NOMO3: variants seen among roughly 807,000 people sequenced by gnomAD.
NOMO3 encodes the protein BOS complex subunit NOMO3.
Under a neutral mutation model 69.9 loss-of-function variants are expected in NOMO3, and 15 were observed. The observed-to-expected ratio is 0.21, with a 90% CI of 0.14 to 0.33. The LOEUF is 0.33. NOMO3 is among the 10% of genes least tolerant of loss of function. The pLI is 1.00. For missense variants in NOMO3, 218 were observed against 761.0 expected, an observed-to-expected ratio of 0.29 and a Z score of 8.39; for synonymous variants, 89 against 301.9, an observed-to-expected ratio of 0.29 and a Z score of 7.31.
In NOMO3 at chr16:16,268,923, C is replaced by T. The variant is rs979527592; in HGVS notation, c.1895-1198C>T. Among the ~76,000 whole-genome samples, 26 of 142,148 alleles carry T rather than the reference C, an allele frequency of 1.8e-4. 3 individuals carry two copies. The highest frequency in any genetic ancestry group is 1.4e-4 in the Admixed American group (2 of 14,698). 93.3% of individuals were successfully genotyped at this position (142,148 alleles called of 152,430 possible). A position where few individuals can be genotyped will look rare whatever the true frequency, so the allele number is the denominator to read the frequency against. ...ACTTGTCTGTATTATTGGCCAGAACCGTGCCACATGGTTACTTCTAGCTGC... is the reference window on the plus strand; with the variant it reads ...ACTTGTCTGTATTATTGGCCAGAACTGTGCCACATGGTTACTTCTAGCTGC... On this transcript the variant is annotated intron_variant, in intron 16 of 30. Coordinates refer to ENST00000399336, the MANE Select transcript of NOMO3 (RefSeq NM_001004067.4).
chr16:16,251,627 A>T (rs1184544012), intron 7 of NOMO3: 2 of 399,868 alleles, frequency 5.0e-6, no homozygotes, highest in African/African-American at 5.1e-5. Flanking sequence ...GGTTTAAACA[A>T]ATCTCAGATT....
At chr16:16,258,019 A>C (rs1378747251) in intron 11 of NOMO3, among the ~76,000 whole-genome samples, 4 of 140,926 alleles carry the variant, frequency 2.8e-5, no homozygotes, top group Non-Finnish European at 6.0e-5. Flanking sequence ...ACTGAAGACA[A>C]ATACATCTGT....
intron 1 of NOMO3, among the ~76,000 whole-genome samples, chr16:16,236,459 G>A (rs1265495501): frequency 7.0e-6 from 1 of 143,104 alleles, no homozygotes; most frequent in Non-Finnish European, 1.5e-5. Context: ...TGTTGGCCAG[G>A]CTGGTCTCAA....
chr16:16,237,014 T>A (rs1466514128), intron 2 of NOMO3, 24 bp downstream of exon 2: 1 of 1,585,666 alleles, frequency 6.3e-7, no homozygotes, highest in African/African-American at 1.5e-5. Context: ...GCTTGTCACT[T>A]ATGATGGGAA....
At chr16:16,259,456 C>T (rs1326658565) in intron 11 of NOMO3, among the ~76,000 whole-genome samples, 1 of 138,244 alleles carries the variant, frequency 7.2e-6, no homozygotes, top group Non-Finnish European at 1.5e-5. Context: ...TCAAGTGATT[C>T]TCCTGCCCCA....
chr16:16,274,173 C>T (rs1487793364), intron 20 of NOMO3, 98 bp downstream of exon 20: 1 of 768,196 alleles, frequency 1.3e-6, no homozygotes, highest in Non-Finnish European at 2.1e-6. Context: ...GTGAAGCCAT[C>T]TTTGTAAGCC....
At chr16:16,248,395 CTT>C (rs1243080622) in intron 6 of NOMO3, among the ~76,000 whole-genome samples, 2 of 65,318 alleles carry the variant, frequency 3.1e-5, no homozygotes, top group Non-Finnish European at 5.9e-5. Context: ...CAGATACAGT[CTT>C]TTTTTTTTTT....
chr16:16,236,609 C>T (rs965119265), intron 1 of NOMO3, among the ~76,000 whole-genome samples: 4 of 144,248 alleles, frequency 2.8e-5, no homozygotes, highest in Non-Finnish European at 4.4e-5. Context: ...GTTTTAGACC[C>T]GGAAACTTAC....
chr16:16,232,596 A>C lies in NOMO3; in HGVS notation c.-71A>C, dbSNP rs1389054129. Reference sequence around the variant, plus strand: ...GTCAGCCGGCCTAGGAGGAGGAAGGAGCCTGCGGCGTGCAGTGTGAGGGGC... The same window carrying C: ...GTCAGCCGGCCTAGGAGGAGGAAGGCGCCTGCGGCGTGCAGTGTGAGGGGC... On this transcript the variant is annotated 5_prime_UTR_variant, in exon 1 of 31. Coordinates refer to ENST00000399336, the MANE Select transcript of NOMO3 (RefSeq NM_001004067.4). 6.5e-6 allele frequency: 3 copies of C among 459,124 alleles called. No individual in the cohort carries two copies. Among genetic ancestry groups the C allele is most frequent in the Non-Finnish European group, 1.1e-5 (3 of 280,466 alleles). The allele number at this position is 459,124 out of a possible 1,614,324, so 28.4% of individuals were successfully genotyped here. A position where few individuals can be genotyped will look rare whatever the true frequency, so the allele number is the denominator to read the frequency against.
Position 16,245,129 on chromosome 16 carries a change from G to C in NOMO3, c.464G>C (p.Gly155Ala). The C allele has an allele frequency of 7.7e-7, 1 of 1,300,838 alleles. No individual in the cohort carries two copies. Among genetic ancestry groups the C allele is most frequent in the Non-Finnish European group, 1.0e-6 (1 of 970,098 alleles). 80.6% of individuals were successfully genotyped at this position (1,300,838 alleles called of 1,614,324 possible). A position where few individuals can be genotyped will look rare whatever the true frequency, so the allele number is the denominator to read the frequency against. The change falls in exon 5 of 31, where the codon GGG (glycine) becomes GCG (alanine). Residue 155 changes from glycine (G) to alanine (A), a missense_variant. Transcript: ENST00000399336. ...GTTCAGGTGTCTCTGAGAAACACTG[G>C]GACCGAAGCAAAGATCCAGTCCACA... Reference protein sequence around the residue: ...AGVQVSLRNTGTEAKIQSTVT... With the variant: ...AGVQVSLRNTATEAKIQSTVT...
rs1362737653 is a variant in NOMO3, at chr16:16,245,316, G to A, written c.509+142G>A. ...CTTAAGTTTGGGTGAGTTCATGCCC[G>A]TCAGAGTGCTGAGTTCCCCACATGT... On this transcript the variant is annotated intron_variant, in intron 5 of 30. Coordinates refer to ENST00000399336, the MANE Select transcript of NOMO3 (RefSeq NM_001004067.4). The A allele has an allele frequency of 1.9e-5, 26 of 1,369,204 alleles. 4 individuals carry two copies. Among genetic ancestry groups the A allele is most frequent in the African/African-American group, 5.2e-5 (3 of 58,142 alleles). 84.8% of individuals were successfully genotyped at this position (1,369,204 alleles called of 1,614,324 possible). A position where few individuals can be genotyped will look rare whatever the true frequency, so the allele number is the denominator to read the frequency against.
chr16:16,273,053 C>CT (rs1278020698), intron 18 of NOMO3, among the ~76,000 whole-genome samples: 16 of 122,242 alleles, frequency 1.3e-4, no homozygotes, highest in African/African-American at 5.0e-4. Flanking sequence ...CACTTGGCAT[C>CT]GCTTTGCCCA....
At chr16:16,269,429 ATTTT>A (rs750179595) in intron 16 of NOMO3, among the ~76,000 whole-genome samples, 1 of 111,510 alleles carries the variant, frequency 9.0e-6, no homozygotes, top group Non-Finnish European at 1.8e-5. Context: ...GAGAAACCTG[ATTTT>A]TTTTTTTTTT....
chr16:16,264,903 A>G, intron 14 of NOMO3, 140 bp from the exon 15 acceptor site: 1 of 569,724 alleles, frequency 1.8e-6, no homozygotes, highest in Non-Finnish European at 3.0e-6. Flanking sequence ...AAATATATGT[A>G]TGTGTATATT....
At chr16:16,249,677 C>A (rs1278644757) in intron 6 of NOMO3, among the ~76,000 whole-genome samples, 3 of 143,444 alleles carry the variant, frequency 2.1e-5, no homozygotes, top group African/African-American at 5.7e-5. Flanking sequence ...TAATTGTCTG[C>A]ATAGAAGAAT....
chr16:16,263,007 C>T (rs1218017940), intron 12 of NOMO3, 67 bp from the exon 13 acceptor site: 26 of 1,572,800 alleles, frequency 1.7e-5, no homozygotes, highest in South Asian at 3.5e-5. Flanking sequence ...AATGTTCTAG[C>T]GCCCTGTAGG....
At chr16:16,274,199 T>C (rs2049678403) in intron 20 of NOMO3, 124 bp downstream of exon 20, 9 of 879,884 alleles carry the variant, frequency 1.0e-5, no homozygotes, top group Non-Finnish European at 1.4e-5. Context: ...ACATCCTCTC[T>C]GGCACACAGA....
chr16:16,249,597 AAAAT>A (rs1392548842), intron 6 of NOMO3, among the ~76,000 whole-genome samples: 1 of 140,136 alleles, frequency 7.1e-6, no homozygotes, highest in Non-Finnish European at 1.5e-5. Flanking sequence ...AAAAAAAAAA[AAAAT>A]TTATTCGAAA....
rs541403005 is a variant in NOMO3 at position 16,245,318 on chromosome 16, C to CA, written c.509+145dup. 9.1e-5 allele frequency: 122 copies of CA among 1,344,884 alleles called. 27 individuals carry two copies. In the East Asian group the frequency reaches 2.7e-3, roughly 29 times the overall value. 83.3% of individuals were successfully genotyped at this position (1,344,884 alleles called of 1,614,324 possible). On this transcript the variant is annotated intron_variant, in intron 5 of 30. Transcript: ENST00000399336. ...TAAGTTTGGGTGAGTTCATGCCCGT[C>CA]AGAGTGCTGAGTTCCCCACATGTGA...
Sources: gnomAD v4.1 joint callset for allele counts (sites outside exome capture counted in the v4.1 genomes callset) on GRCh38, gnomAD v4.1.1 for gene constraint, MANE v1.5 for transcripts, NCBI Gene and HGNC (gene_info 2026-07-23, HGNC 2026-07-21) for gene names.